The following COL4A3 variants were observed in gnomAD, a reference collection of about 807,000 sequenced individuals.
COL4A3 encodes the protein collagen alpha-3(IV) chain.
In COL4A3, 135 loss-of-function variants were observed where a neutral mutation model predicts 217.4. That is an observed-to-expected ratio of 0.62 (90% CI 0.54 to 0.72). The LOEUF (loss-of-function observed/expected upper bound fraction) is 0.72, where lower values mean the gene tolerates loss of function less well. Among genes scored for constraint, COL4A3 ranks in the 30% least tolerant of loss-of-function variants. The probability of loss-of-function intolerance (pLI) is 0.00; values close to 1 mark genes in which losing one functional copy is unlikely to be tolerated. For synonymous variants in COL4A3, 690 were observed against 736.3 expected, an observed-to-expected ratio of 0.94 and a Z score of 1.02; for missense variants, 1,868 against 2,119.9, an observed-to-expected ratio of 0.88 and a Z score of 2.33.
intron 1 of COL4A3, among the ~76,000 whole-genome samples, chr2:227,212,153 T>G (rs1018597965): frequency 9.6e-5 from 11 of 114,710 alleles, no homozygotes; most frequent in African/African-American, 4.4e-4. Flanking sequence ...ATCTTTTCTG[T>G]TTTTTTTGTT....
In COL4A3 at chr2:227,307,913, G is replaced by C; in HGVS notation, c.4456G>C (p.Asp1486His). The C allele has an allele frequency of 6.2e-7, 1 of 1,613,802 alleles. No homozygotes were observed. Among genetic ancestry groups the C allele is most frequent in the Non-Finnish European group, 8.5e-7 (1 of 1,179,780 alleles). The change falls in exon 48 of 52, where the codon GAC becomes CAC. Residue 1486 changes from aspartate (D) to histidine (H), a missense_variant. Physicochemically the swap from Asp to His is moderately conservative, Grantham distance 81. Around this residue, in one of 2 missense-constraint regions of COL4A3, gnomAD observed 1,503 missense variants for 1,786.1 expected, o/e 0.84. Transcript: ENST00000396578. ...AGGAAATCAACGAGCCCACGGACAA[G>C]ACCTTGGTAATGTCCCAGTCCCAGT... ...VQGNQRAHGQ[D>H]LGTLGSCLQR...
chr2:227,202,471 G>A lies in COL4A3; in HGVS notation c.88-35497G>A, dbSNP rs140748109. On this transcript the variant is annotated intron_variant, in intron 1 of 51. Coordinates refer to ENST00000396578, the MANE Select transcript of COL4A3 (RefSeq NM_000091.5). The stretch of plus-strand genomic sequence containing the variant: ...TAAAATATATTAATACTAGCCGGGC[G>A]CGGTGGCTCTCTCCTGTAATCCCAG... 4.0e-3 allele frequency among the ~76,000 whole-genome samples: 607 copies of A among 151,992 alleles called. 11 individuals carry two copies. In the East Asian group the frequency reaches 0.046, roughly 12 times the overall value.
intron 17 of COL4A3, 56 bp from the exon 18 acceptor site, chr2:227,257,545 TTA>T: frequency 7.0e-7 from 1 of 1,428,112 alleles, no homozygotes; most frequent in South Asian, 1.1e-5. Context: ...ATCTTGCTTT[TTA>T]TATGTAAATA....
intron 47 of COL4A3, among the ~76,000 whole-genome samples, chr2:227,305,991 TATG>T (rs1412122203): frequency 6.6e-6 from 1 of 152,224 alleles, no homozygotes; most frequent in African/African-American, 2.4e-5. Context: ...AAAATTCAAA[TATG>T]ATGTTAATAT....
intron 1 of COL4A3, among the ~76,000 whole-genome samples, chr2:227,194,095 A>AGAAG (rs139091191): frequency 0.46 from 46,921 of 101,970 alleles, 11,882 homozygotes; most frequent in African/African-American, 0.57. Context: ...GAGGGAGGAA[A>AGAAG]GAAGGAAGGA....
Position 227,313,345 on chromosome 2 carries a change from T to G in COL4A3, c.*1475T>G, listed in dbSNP as rs909383099. 1 of 152,618 alleles carries G rather than the reference T, an allele frequency of 6.6e-6. No homozygotes were observed. Among genetic ancestry groups the G allele is most frequent in the African/African-American group, 2.4e-5 (1 of 41,432 alleles). 9.5% of individuals were successfully genotyped at this position (152,618 alleles called of 1,614,324 possible). ...AAAGGTTAAAAATAAGGTCTATGCC[T>G]AGGGAAACTCAGGGCTTCTAGTTTC... On this transcript the variant is annotated 3_prime_UTR_variant, in exon 52 of 52. Transcript: ENST00000396578.
At position 227,298,707 on chromosome 2, in the gene COL4A3, A is replaced by G. The variant is rs573193475; in HGVS notation, c.3777A>G (p.Pro1259=). The change falls in exon 43 of 52, where the codon CCA becomes CCG. Residue 1259 remains proline (P), a synonymous_variant. Coordinates refer to ENST00000396578, the MANE Select transcript of COL4A3 (RefSeq NM_000091.5). ...GTGCGCCTGGTCCCCCTGGACCTCC[A>G]GGGAGTCATGTAATAGGCATAAAAG... ...SPGAPGPPGP[P]GSHVIGIKGD... 2 of 1,614,052 alleles carry G rather than the reference A, an allele frequency of 1.2e-6. No homozygotes were observed. The highest frequency in any genetic ancestry group is 2.2e-5 in the South Asian group (2 of 91,080).
At chr2:227,295,485 A>G (rs1254892649) in intron 41 of COL4A3, among the ~76,000 whole-genome samples, 169 bp downstream of exon 41, 2 of 152,258 alleles carry the variant, frequency 1.3e-5, no homozygotes, top group Admixed American at 1.3e-4. Context: ...AATTATTACC[A>G]TCACAACAAA....
chr2:227,200,031 A>AT (rs980216488), intron 1 of COL4A3, among the ~76,000 whole-genome samples: 75 of 152,316 alleles, frequency 4.9e-4, no homozygotes, highest in African/African-American at 1.8e-3. Context: ...GTAGGAAAAA[A>AT]CATAGAGATA....
At chr2:227,265,148 C>G (rs1359419460) in intron 21 of COL4A3, 1 of 152,150 alleles carries the variant, frequency 6.6e-6, no homozygotes, top group Non-Finnish European at 1.5e-5. Flanking sequence ...TGCAGGTACT[C>G]AGATATTTTT....
intron 36 of COL4A3, 40 bp from the exon 37 acceptor site, chr2:227,290,707 T>A: frequency 1.2e-6 from 2 of 1,600,284 alleles, no homozygotes; most frequent in Non-Finnish European, 1.7e-6. Flanking sequence ...AAGATCCTCA[T>A]GTTTATCTAT....
intron 1 of COL4A3, among the ~76,000 whole-genome samples, chr2:227,198,569 C>T (rs1574540082): frequency 6.6e-6 from 1 of 152,178 alleles, no homozygotes; most frequent in South Asian, 2.1e-4. Context: ...TTCATCCAGT[C>T]TTTTTTTAAA....
At chr2:227,197,226 TG>T (rs1373769612) in intron 1 of COL4A3, among the ~76,000 whole-genome samples, 1 of 152,186 alleles carries the variant, frequency 6.6e-6, no homozygotes, top group East Asian at 1.9e-4. Flanking sequence ...TTTGTTTGTT[TG>T]TTTTTTTGAG....
At chr2:227,200,982 G>A (rs992803565) in intron 1 of COL4A3, among the ~76,000 whole-genome samples, 2 of 152,202 alleles carry the variant, frequency 1.3e-5, no homozygotes, top group African/African-American at 4.8e-5. Flanking sequence ...ATGGGAAGAA[G>A]TGTTCTTCTT....
At chr2:227,260,823 C>T (rs982806882) in intron 19 of COL4A3, among the ~76,000 whole-genome samples, 2 of 152,152 alleles carry the variant, frequency 1.3e-5, no homozygotes, top group Admixed American at 6.5e-5. Flanking sequence ...AAACACAGAG[C>T]AGGCTCTTAG....
rs72371878 is a variant in COL4A3 at position 227,282,275 on chromosome 2, A to AATAT, written c.2489-67_2489-64dup. On this transcript the variant is annotated intron_variant, in intron 31 of 51. Transcript: ENST00000396578. The surrounding 1 kb of genome is among the most constrained non-coding windows in gnomAD (Gnocchi z 4.4). ...AGACAGAGGGAGATTCCATCTTAAAAATATATATATATATATATATATATA... is the reference window on the plus strand; with the variant it reads ...AGACAGAGGGAGATTCCATCTTAAAAATATATATATATATATATATATATATATA... 2,180 of 354,396 alleles carry AATAT rather than the reference A, an allele frequency of 6.2e-3. 53 individuals carry two copies. Among genetic ancestry groups the AATAT allele is most frequent in the African/African-American group, 0.042 (1,682 of 39,974 alleles). 22.0% of individuals were successfully genotyped at this position (354,396 alleles called of 1,614,324 possible).
intron 1 of COL4A3, among the ~76,000 whole-genome samples, chr2:227,202,800 AT>A (rs1371699780): frequency 5.5e-5 from 6 of 109,592 alleles, no homozygotes; most frequent in Non-Finnish European, 8.3e-5. Flanking sequence ...GTGTATATAT[AT>A]AATATGTGTA....
intron 22 of COL4A3, among the ~76,000 whole-genome samples, 192 bp downstream of exon 22, chr2:227,266,701 A>G (rs900981652): frequency 1.3e-5 from 2 of 152,240 alleles, no homozygotes; most frequent in African/African-American, 4.8e-5. Context: ...AAATTGTTGG[A>G]TATCCCTAAA....
rs72971859 is a variant in COL4A3 at position 227,180,602 on chromosome 2, C to T, written c.87+15789C>T. 8.2e-3 allele frequency among the ~76,000 whole-genome samples: 1,249 copies of T among 152,310 alleles called. 6 individuals carry two copies. Among genetic ancestry groups the T allele is most frequent in the Non-Finnish European group, 0.013 (858 of 68,026 alleles). On this transcript the variant is annotated intron_variant, in intron 1 of 51. Transcript: ENST00000396578. ...TTCATCATGGTCCAGAAGAAAGGCA[C>T]TGTTGTGACAGTTTTGGGCAAGTCA...
Sources: allele counts gnomAD v4.1 joint callset (sites outside exome capture counted in the v4.1 genomes callset), GRCh38; gene constraint gnomAD v4.1.1; regional missense constraint gnomAD v4.1.1; non-coding constraint Gnocchi (gnomAD v3.1); transcripts MANE v1.5; gene names NCBI Gene and HGNC (gene_info 2026-07-23, HGNC 2026-07-21).